ZFHX3: variants seen among roughly 807,000 people sequenced by gnomAD.
ZFHX3 encodes the protein zinc finger homeobox 3, also known as zinc finger homeobox protein 3.
A neutral mutation model predicts 279.1 loss-of-function variants in ZFHX3; 42 were observed. The ratio of observed to expected loss-of-function variants is 0.15; its 90% CI spans 0.12 to 0.19. The LOEUF (loss-of-function observed/expected upper bound fraction) is 0.19. Ranked by LOEUF, ZFHX3 falls within the 10% of genes least tolerant of loss-of-function variation. ZFHX3 has a pLI of 1.00. For missense variants in ZFHX3, 4,981 were observed against 4,754.0 expected (o/e 1.05, Z -1.40); for synonymous variants, 2,293 against 1,957.8 (o/e 1.17, Z -4.52).
At chr16:73,585,930 C>G (rs527794565) in intron 2 of ZFHX3, among the ~76,000 whole-genome samples, 19 of 151,746 alleles carry the variant, frequency 1.3e-4, no homozygotes, top group Non-Finnish European at 2.5e-4. Context: ...AAAAAATAAA[C>G]GTGGGATAAC....
At chr16:73,231,036 T>C (rs1463222427) in intron 5 of ZFHX3, among the ~76,000 whole-genome samples, 3 of 151,982 alleles carry the variant, frequency 2.0e-5, no homozygotes, top group Non-Finnish European at 4.4e-5. Context: ...CCCAGAGAGA[T>C]TGTATTACCA....
Position 72,813,646 on chromosome 16 carries a change from A to G in ZFHX3, c.3530-1608T>C, listed in dbSNP as rs917038134. 1.3e-5 allele frequency among the ~76,000 whole-genome samples: 2 copies of G among 152,004 alleles called. 1 individual carries two copies. The highest frequency in any genetic ancestry group is 3.9e-4 in the East Asian group (2 of 5,192). On this transcript the variant is annotated intron_variant, in intron 5 of 9. Coordinates refer to ENST00000268489, the MANE Select transcript of ZFHX3 (RefSeq NM_006885.4). The stretch of plus-strand genomic sequence containing the variant: ...TTACACACAGATCCTCCTCCTCCCA[A>G]CACACACATTCATAACAGTATTTTA...
chr16:73,553,703 C>T (rs191389881), intron 2 of ZFHX3, among the ~76,000 whole-genome samples: 63 of 152,208 alleles, frequency 4.1e-4, no homozygotes, highest in South Asian at 8.3e-4. Flanking sequence ...AATTCAAAGC[C>T]GACTTGAGGA....
intron 2 of ZFHX3, among the ~76,000 whole-genome samples, chr16:73,673,039 A>T (rs866079858): frequency 6.6e-6 from 1 of 152,210 alleles, no homozygotes; most frequent in Non-Finnish European, 1.5e-5. Context: ...TGTCACTCCC[A>T]TCAGTCTACA....
intron 1 of ZFHX3, among the ~76,000 whole-genome samples, chr16:73,044,480 C>T (rs1019405855): frequency 1.3e-5 from 2 of 152,184 alleles, no homozygotes; most frequent in African/African-American, 2.4e-5. Flanking sequence ...GTGTGCAGTA[C>T]GAGTGAGGGT....
At chr16:72,804,966 T>TTCTATTTA (rs1555519095) in intron 7 of ZFHX3, among the ~76,000 whole-genome samples, 1 of 151,348 alleles carries the variant, frequency 6.6e-6, no homozygotes, top group African/African-American at 2.4e-5. Context: ...AGCAGAGAGA[T>TTCTATTTA]TTTATTTATT....
At chr16:73,539,568 G>T (rs2019975383) in intron 2 of ZFHX3, among the ~76,000 whole-genome samples, 2 of 149,674 alleles carry the variant, frequency 1.3e-5, no homozygotes, top group African/African-American at 2.5e-5. Flanking sequence ...AAAGCAGCAT[G>T]CCAGCAACAC....
intron 5 of ZFHX3, among the ~76,000 whole-genome samples, chr16:73,181,309 C>T (rs897779361): frequency 1.3e-5 from 2 of 152,116 alleles, no homozygotes; most frequent in Non-Finnish European, 2.9e-5. Flanking sequence ...CCATGTTGGT[C>T]TCCATCTCCT....
chr16:73,240,573 A>G (rs1399499581), intron 5 of ZFHX3, among the ~76,000 whole-genome samples: 1 of 152,158 alleles, frequency 6.6e-6, no homozygotes, highest in Non-Finnish European at 1.5e-5. Context: ...AATGTCAACA[A>G]CATGGCATTA....
chr16:72,986,912 G>C (rs139636698), intron 1 of ZFHX3, among the ~76,000 whole-genome samples: 2 of 152,244 alleles, frequency 1.3e-5, no homozygotes, highest in East Asian at 3.9e-4. Context: ...TTTGGAGGCC[G>C]AGTCAGACAG....
intron 3 of ZFHX3, among the ~76,000 whole-genome samples, chr16:73,416,148 G>A (rs12103414): frequency 0.45 from 65,728 of 146,604 alleles, 14,987 homozygotes; most frequent in East Asian, 0.49. Context: ...ACAAAAAACG[G>A]AAAACAAACA....
intron 1 of ZFHX3, among the ~76,000 whole-genome samples, chr16:72,971,572 G>C (rs558446304): frequency 6.6e-6 from 1 of 152,202 alleles, no homozygotes; most frequent in South Asian, 2.1e-4. Flanking sequence ...CGTTGTGTCT[G>C]TATTGCCTTA....
At chr16:73,239,143 T>C (rs2013042813) in intron 5 of ZFHX3, among the ~76,000 whole-genome samples, 1 of 152,180 alleles carries the variant, frequency 6.6e-6, no homozygotes, top group Admixed American at 6.5e-5. Flanking sequence ...CTATTTTTAT[T>C]CCAAGTATCA....
intron 4 of ZFHX3, among the ~76,000 whole-genome samples, chr16:72,880,154 G>A (rs915252563): frequency 2.6e-5 from 4 of 152,138 alleles, no homozygotes; most frequent in Non-Finnish European, 5.9e-5. Context: ...GCGACTTCCA[G>A]GATCTCCATG....
At chr16:72,985,213 TAAACATGAACCAC>T (rs967587341) in intron 1 of ZFHX3, among the ~76,000 whole-genome samples, 3 of 152,178 alleles carry the variant, frequency 2.0e-5, no homozygotes, top group African/African-American at 7.2e-5. Flanking sequence ...AAGGGGAACG[TAAACATGAACCAC>T]ACCAGAGATG....
intron 2 of ZFHX3, among the ~76,000 whole-genome samples, chr16:73,526,626 G>A (rs974598677): frequency 2.0e-5 from 3 of 152,160 alleles, no homozygotes; most frequent in African/African-American, 7.2e-5. Flanking sequence ...AATTCTGAGC[G>A]GGGATGAGGA....
intron 1 of ZFHX3, among the ~76,000 whole-genome samples, chr16:73,834,330 A>G (rs1448101969): frequency 6.6e-6 from 1 of 152,200 alleles, no homozygotes; most frequent in Non-Finnish European, 1.5e-5. Flanking sequence ...TTCTTTACTC[A>G]TGAAAAAGGT....
chr16:73,867,671 T>C (rs1962061676), intron 1 of ZFHX3, among the ~76,000 whole-genome samples: 1 of 152,218 alleles, frequency 6.6e-6, no homozygotes, highest in South Asian at 2.1e-4. Context: ...TAAGAAGGTA[T>C]AGTGGACACC....
chr16:73,152,999 T>G (rs987283184), intron 5 of ZFHX3, among the ~76,000 whole-genome samples: 2 of 152,090 alleles, frequency 1.3e-5, no homozygotes, highest in African/African-American at 4.8e-5. Flanking sequence ...CTGGAATTTT[T>G]GGATGGTTTT....
Sources: allele counts gnomAD v4.1 joint callset (sites outside exome capture counted in the v4.1 genomes callset), GRCh38; gene constraint gnomAD v4.1.1; transcripts MANE v1.5; gene names NCBI Gene and HGNC (gene_info 2026-07-23, HGNC 2026-07-21).